The following C12orf54 variants were observed in gnomAD, a reference collection of about 807,000 sequenced individuals.
C12orf54 encodes uncharacterized protein C12orf54.
C12orf54 carries 24 observed loss-of-function variants against 26.4 expected under a neutral mutation model. The observed-to-expected ratio is 0.91, with a 90% CI of 0.66 to 1.28. The LOEUF is 1.28. Ranked by LOEUF, C12orf54 falls within the 50% of genes most tolerant of loss-of-function variation. The pLI, the probability that C12orf54 is intolerant of heterozygous loss-of-function variation, is 0.00. For missense variants in C12orf54, 154 were observed against 150.9 expected, an observed-to-expected ratio of 1.02 and a Z score of -0.11; for synonymous variants, 54 against 47.0, an observed-to-expected ratio of 1.15 and a Z score of -0.61.
At chr12:48,492,880 G>A in intron 6 of C12orf54, 67 bp from the exon 7 acceptor site, 2 of 1,404,606 alleles carry the variant, frequency 1.4e-6, no homozygotes, top group Non-Finnish European at 2.0e-6. Context: ...AAGGATGTGA[G>A]CTGGGCAGCT....
At chr12:48,467,558 A>T in the C12orf54 span, among the ~76,000 whole-genome samples, 6 of 152,300 alleles carry the variant, frequency 3.9e-5, no homozygotes, top group Admixed American at 1.3e-4. Flanking sequence ...GTATAATTTT[A>T]TTTAAATAAA....
chr12:48,476,132 T>C, the C12orf54 span, among the ~76,000 whole-genome samples: 3 of 152,168 alleles, frequency 2.0e-5, no homozygotes, highest in Non-Finnish European at 1.5e-5. Context: ...CAGAATTTCA[T>C]ATCAGCCAAA....
chr12:48,455,008 G>C, the C12orf54 span, among the ~76,000 whole-genome samples: 1 of 152,104 alleles, frequency 6.6e-6, no homozygotes, highest in Admixed American at 6.5e-5. Context: ...TTGTTATGTG[G>C]GTAAATTGCG....
rs868736720 is a variant in C12orf54 at position 48,492,285 on chromosome 12, A to T, written c.194-662A>T. ...GATCTTTCTCCAAACCTGGCCCATC[A>T]CCTCCACTCCAGAACTAGGAACTAT... On this transcript the variant is annotated intron_variant, in intron 6 of 8. Coordinates refer to ENST00000548364, the MANE Select transcript of C12orf54 (RefSeq NM_152319.4). Among the ~76,000 whole-genome samples, 25 of 152,094 alleles carry T rather than the reference A, an allele frequency of 1.6e-4. No individual in the cohort carries two copies. The Middle Eastern group carries it at 0.01, about 62-fold the overall frequency.
the C12orf54 span, among the ~76,000 whole-genome samples, chr12:48,438,522 A>C: frequency 3.0e-4 from 46 of 152,368 alleles, no homozygotes; most frequent in South Asian, 8.3e-4. Flanking sequence ...AGGCTACAGT[A>C]ACCAAAACAG....
In C12orf54 at chr12:48,490,853, C is replaced by T; in HGVS notation, c.193+17C>T. On this transcript the variant is annotated intron_variant, in intron 6 of 8. Transcript: ENST00000548364. Reference sequence around the variant, plus strand: ...GGATTCGAGGTAAAACAGCACCATTCCAAGGTTTGGAAAAGGAAACAAGGG... The same window carrying T: ...GGATTCGAGGTAAAACAGCACCATTTCAAGGTTTGGAAAAGGAAACAAGGG... The T allele has an allele frequency of 6.2e-7, 1 of 1,612,554 alleles. No homozygotes were observed. The highest frequency in any genetic ancestry group is 8.5e-7 in the Non-Finnish European group (1 of 1,178,696).
the C12orf54 span, among the ~76,000 whole-genome samples, chr12:48,457,234 C>A: frequency 6.6e-6 from 1 of 151,028 alleles, no homozygotes; most frequent in Non-Finnish European, 1.5e-5. Context: ...AAGAATGGGC[C>A]GTAAGCTTGG....
the C12orf54 span, among the ~76,000 whole-genome samples, chr12:48,418,851 A>G: frequency 6.6e-6 from 1 of 152,078 alleles, no homozygotes; most frequent in East Asian, 1.9e-4. Flanking sequence ...TTTATAAAGT[A>G]GAGCCCAAGT....
chr12:48,473,683 A>C, the C12orf54 span: 1 of 226,390 alleles, frequency 4.4e-6, no homozygotes, highest in East Asian at 1.1e-4. Context: ...GCAATAGTTA[A>C]GTACACACTA....
At chr12:48,429,139 A>T in the C12orf54 span, among the ~76,000 whole-genome samples, 1 of 152,194 alleles carries the variant, frequency 6.6e-6, no homozygotes, top group African/African-American at 2.4e-5. Context: ...TAAAACTCTC[A>T]GCAAAATCGG....
At chr12:48,413,690 G>T in the C12orf54 span, among the ~76,000 whole-genome samples, 1 of 152,306 alleles carries the variant, frequency 6.6e-6, no homozygotes, top group South Asian at 2.1e-4. Context: ...TTTAAGGAAT[G>T]AAAACTTTTT....
At chr12:48,489,774 T>A (rs998311876) in intron 5 of C12orf54, among the ~76,000 whole-genome samples, 2 of 145,976 alleles carry the variant, frequency 1.4e-5, no homozygotes, top group Non-Finnish European at 3.0e-5. Flanking sequence ...CAGGCTAGAG[T>A]GTAGTAGCAC....
At chr12:48,486,144 T>A in intron 2 of C12orf54, 34 bp from the exon 3 acceptor site, 1 of 1,587,994 alleles carries the variant, frequency 6.3e-7, no homozygotes, top group Non-Finnish European at 8.7e-7. Flanking sequence ...CATTCTGTGC[T>A]CCTCATCAGG....
At chr12:48,456,574 C>T in the C12orf54 span, among the ~76,000 whole-genome samples, 2 of 152,142 alleles carry the variant, frequency 1.3e-5, no homozygotes, top group Non-Finnish European at 2.9e-5. Flanking sequence ...CTCTGCTCCT[C>T]GCCTGCCGTG....
the C12orf54 span, among the ~76,000 whole-genome samples, chr12:48,430,759 A>G: frequency 5.3e-5 from 8 of 152,222 alleles, no homozygotes; most frequent in Admixed American, 4.6e-4. Context: ...AAGAGCTAAA[A>G]GTGGAACTAC....
At chr12:48,434,302 G>C in the C12orf54 span, among the ~76,000 whole-genome samples, 4 of 152,226 alleles carry the variant, frequency 2.6e-5, no homozygotes, top group Non-Finnish European at 5.9e-5. Flanking sequence ...AGATCAAGGA[G>C]GACTGCCTGC....
the C12orf54 span, among the ~76,000 whole-genome samples, chr12:48,436,404 C>T: frequency 0.31 from 46,910 of 151,898 alleles, 7,750 homozygotes; most frequent in African/African-American, 0.35. Flanking sequence ...CTGCACCAAG[C>T]GGACCTAATA....
the C12orf54 span, among the ~76,000 whole-genome samples, chr12:48,439,184 G>A: frequency 7.9e-5 from 12 of 152,056 alleles, no homozygotes; most frequent in East Asian, 1.2e-3. Context: ...AATGCAAATC[G>A]AAACCACAAT....
the C12orf54 span, among the ~76,000 whole-genome samples, chr12:48,425,730 G>A: frequency 1.3e-5 from 2 of 151,746 alleles, no homozygotes; most frequent in South Asian, 4.2e-4. Context: ...CTGCAACCTC[G>A]CCAGCATCTA....
Sources: gnomAD v4.1 joint callset for allele counts (sites outside exome capture counted in the v4.1 genomes callset) on GRCh38, gnomAD v4.1.1 for gene constraint, MANE v1.5 for transcripts, NCBI Gene and HGNC (gene_info 2026-07-23, HGNC 2026-07-21) for gene names.